The following DLGAP4 variants were observed in gnomAD, a reference collection of about 807,000 sequenced individuals.
DLGAP4 encodes disks large-associated protein 4.
A neutral mutation model predicts 86.9 loss-of-function variants in DLGAP4; 18 were observed. That is an observed-to-expected ratio of 0.21 (90% CI 0.14 to 0.31). The LOEUF (loss-of-function observed/expected upper bound fraction) is 0.31. Among genes scored for constraint, DLGAP4 ranks in the 10% least tolerant of loss-of-function variants. DLGAP4 has a pLI of 1.00. For synonymous variants in DLGAP4, 548 were observed against 574.3 expected (o/e 0.95, Z 0.65); for missense variants, 1,085 against 1,362.6 (o/e 0.80, Z 3.21).
chr20:36,415,216 G>A (rs571769009), intron 2 of DLGAP4, among the ~76,000 whole-genome samples: 1 of 152,340 alleles, frequency 6.6e-6, no homozygotes, highest in South Asian at 2.1e-4. Flanking sequence ...AGTGAGCCAA[G>A]GTTGTGCCAC....
intron 2 of DLGAP4, among the ~76,000 whole-genome samples, chr20:36,387,395 A>G (rs1026443896): frequency 2.0e-5 from 3 of 152,268 alleles, no homozygotes; most frequent in Admixed American, 2.0e-4. Flanking sequence ...AGAGGTTTAT[A>G]TATGTGAATA....
At position 36,516,561 on chromosome 20, in the gene DLGAP4, A is replaced by G. The variant is rs939127638; in HGVS notation, c.2513-7689A>G. On this transcript the variant is annotated intron_variant, in intron 10 of 12. Transcript: ENST00000339266. The stretch of plus-strand genomic sequence containing the variant: ...TGCACCTGTAATCCCAGCTACTTGG[A>G]AGGCTGAGACCGGAGAATCACTTGA... Among the ~76,000 whole-genome samples, 15 of 151,492 alleles carry G rather than the reference A, an allele frequency of 9.9e-5. 1 individual carries two copies. Among genetic ancestry groups the G allele is most frequent in the Admixed American group, 7.9e-4 (12 of 15,152 alleles).
At chr20:36,464,340 G>C (rs1368291257) in intron 7 of DLGAP4, among the ~76,000 whole-genome samples, 1 of 152,072 alleles carries the variant, frequency 6.6e-6, no homozygotes, top group African/African-American at 2.4e-5. Flanking sequence ...CAGGCAGGTC[G>C]CTTGAGCTCA....
intron 10 of DLGAP4, among the ~76,000 whole-genome samples, chr20:36,522,553 C>T (rs2037441663): frequency 1.3e-5 from 2 of 152,204 alleles, no homozygotes; most frequent in Admixed American, 1.3e-4. Context: ...TGGAGTCTTA[C>T]TCTGCCACCC....
rs992948681 is a variant in DLGAP4 at position 36,500,240 on chromosome 20, C to G, written c.2141C>G (p.Thr714Arg). ...PSHSMSSRRD[T>R]DSDTQDANDS... ...CACAGTATGTCCTCCCGACGGGACA[C>G]AGACTCGGATACCCAGGATGCCAAT... Residue 714 changes from threonine to arginine, a missense_variant, in exon 10 of 13, where the codon ACA becomes AGA. Physicochemically the swap from Thr to Arg is moderately conservative, Grantham distance 71 (BLOSUM62 -1). Transcript: ENST00000339266. The surrounding 1 kb of genome is among the most constrained non-coding windows in gnomAD (Gnocchi z 4.6). 1.2e-6 allele frequency: 2 copies of G among 1,601,696 alleles called. No homozygotes were observed. The highest frequency in any genetic ancestry group is 2.7e-5 in the African/African-American group (2 of 74,454).
intron 7 of DLGAP4, among the ~76,000 whole-genome samples, chr20:36,476,454 A>C (rs535232366): frequency 1.0e-4 from 15 of 144,690 alleles, no homozygotes; most frequent in Admixed American, 2.1e-4. Context: ...CTGCCTCCCG[A>C]GTAGCTGGGC....
intron 1 of DLGAP4, among the ~76,000 whole-genome samples, chr20:36,335,336 A>G (rs1295491540): frequency 6.6e-6 from 1 of 152,212 alleles, no homozygotes; most frequent in Non-Finnish European, 1.5e-5. Flanking sequence ...CCTGGGTTTC[A>G]GTCTCATCTT....
At chr20:36,474,058 A>G (rs1427778240) in intron 7 of DLGAP4, among the ~76,000 whole-genome samples, 1 of 152,260 alleles carries the variant, frequency 6.6e-6, no homozygotes, top group Admixed American at 6.5e-5. Context: ...CAGCATGAGG[A>G]CAACAGAAAC....
intron 7 of DLGAP4, among the ~76,000 whole-genome samples, chr20:36,452,209 C>G (rs986227036): frequency 2.0e-5 from 3 of 152,102 alleles, no homozygotes; most frequent in Admixed American, 6.5e-5. Context: ...GACAGGATCT[C>G]CATGTGTCAC....
At chr20:36,485,702 G>A (rs573178191) in intron 7 of DLGAP4, among the ~76,000 whole-genome samples, 1 of 152,164 alleles carries the variant, frequency 6.6e-6, no homozygotes, top group Non-Finnish European at 1.5e-5. Flanking sequence ...CATCTGTAAA[G>A]TATCAGTGAT....
At chr20:36,496,145 T>A (rs1332728489) in intron 7 of DLGAP4, among the ~76,000 whole-genome samples, 1 of 152,122 alleles carries the variant, frequency 6.6e-6, no homozygotes, top group African/African-American at 2.4e-5. Flanking sequence ...ATGCTGGGAC[T>A]ACAGGCGTGA....
intron 2 of DLGAP4, among the ~76,000 whole-genome samples, chr20:36,418,873 G>A (rs919234818): frequency 2.6e-5 from 4 of 152,154 alleles, no homozygotes; most frequent in African/African-American, 7.2e-5. Context: ...CTATGGACAC[G>A]GACTTAGGCT....
rs562510099 is a variant in DLGAP4, at chr20:36,467,063, TC to T, written c.1648+20135del. 2.9e-3 allele frequency among the ~76,000 whole-genome samples: 116 copies of T among 39,384 alleles called. 8 individuals are homozygous for T. Among genetic ancestry groups the T allele is most frequent in the African/African-American group, 0.013 (107 of 8,218 alleles). 25.8% of individuals were successfully genotyped at this position (39,384 alleles called of 152,430 possible). A position where few individuals can be genotyped will look rare whatever the true frequency, so the allele number is the denominator to read the frequency against. On this transcript the variant is annotated intron_variant, in intron 7 of 12. Transcript: ENST00000339266. The stretch of plus-strand genomic sequence containing the variant: ...CTCTCTCTCTCTCTCTCTCTCTCTC[TC>T]CCCCCCCCTTCTCTCGGCCCTGCCT...
intron 2 of DLGAP4, among the ~76,000 whole-genome samples, chr20:36,377,535 T>C (rs957077137): frequency 1.3e-5 from 2 of 152,242 alleles, no homozygotes; most frequent in African/African-American, 2.4e-5. Flanking sequence ...GATGTTGCGC[T>C]AGATTCCTGG....
chr20:36,378,607 TAC>T lies in DLGAP4; in HGVS notation c.-73+11338_-73+11339del, dbSNP rs138911354. ...TAGAATGTAGACACCAGTCCCTCCA[TAC>T]ACACAGACACACGCACATGCATGCA... On this transcript the variant is annotated intron_variant, in intron 2 of 12. Coordinates refer to ENST00000339266, the MANE Select transcript of DLGAP4 (RefSeq NM_001365621.2). Among the ~76,000 whole-genome samples, 748 of 152,032 alleles carry T rather than the reference TAC, an allele frequency of 4.9e-3. 9 individuals are homozygous for T. Among genetic ancestry groups the T allele is most frequent in the African/African-American group, 0.018 (726 of 41,470 alleles).
At position 36,432,944 on chromosome 20, in the gene DLGAP4, G is replaced by A. The variant is rs538147186; in HGVS notation, c.999+228G>A. On this transcript the variant is annotated intron_variant, in intron 3 of 12. Transcript: ENST00000339266. This position sits in a 1 kb window ranked among gnomAD's most constrained non-coding sequence, Gnocchi z 6.5. Reference sequence around the variant, plus strand: ...CTTTCTGAGCCCAGCCCTGAGCAGGGACTAAAATATGTTCCTGCCCTTTAG... The same window carrying A: ...CTTTCTGAGCCCAGCCCTGAGCAGGAACTAAAATATGTTCCTGCCCTTTAG... Among the ~76,000 whole-genome samples, 44 of 152,268 alleles carry A rather than the reference G, an allele frequency of 2.9e-4. No homozygotes were observed. Among genetic ancestry groups the A allele is most frequent in the African/African-American group, 1.1e-3 (44 of 41,534 alleles).
At chr20:36,362,158 G>A (rs2030543938) in intron 1 of DLGAP4, among the ~76,000 whole-genome samples, 1 of 151,934 alleles carries the variant, frequency 6.6e-6, no homozygotes, top group South Asian at 2.1e-4. Flanking sequence ...TACTTGGGAG[G>A]CTGAGGCACA....
At chr20:36,354,159 A>G (rs2030252179) in intron 1 of DLGAP4, among the ~76,000 whole-genome samples, 1 of 151,968 alleles carries the variant, frequency 6.6e-6, no homozygotes. Context: ...GTCCCTCTGA[A>G]CACCCACAGT....
intron 10 of DLGAP4, among the ~76,000 whole-genome samples, chr20:36,518,141 G>C (rs1348034872): frequency 1.3e-5 from 2 of 151,740 alleles, no homozygotes; most frequent in African/African-American, 2.4e-5. Flanking sequence ...AGAATTGCTT[G>C]AACTCGGGAG....
Sources: gnomAD v4.1 joint callset for allele counts (sites outside exome capture counted in the v4.1 genomes callset) on GRCh38, gnomAD v4.1.1 for gene constraint, Gnocchi (gnomAD v3.1) non-coding constraint, MANE v1.5 for transcripts, NCBI Gene and HGNC (gene_info 2026-07-23, HGNC 2026-07-21) for gene names.